Variants in CNGB1 observed in about 807,000 individuals in gnomAD.
CNGB1 encodes cyclic nucleotide gated channel subunit beta 1.
Under a neutral mutation model 151.7 loss-of-function variants are expected in CNGB1, and 126 were observed. The ratio of observed to expected loss-of-function variants is 0.83; its 90% CI spans 0.72 to 0.96. CNGB1 has a LOEUF of 0.96. Among genes scored for constraint, CNGB1 ranks in the 40% least tolerant of loss-of-function variants. The pLI is 0.00. For missense variants in CNGB1, 1,698 were observed against 1,627.0 expected (o/e 1.04, Z -0.75); for synonymous variants, 623 against 635.1 (o/e 0.98, Z 0.29).
intron 10 of CNGB1, among the ~76,000 whole-genome samples, chr16:57,959,622 AAAC>A: frequency 6.6e-6 from 1 of 152,092 alleles, no homozygotes; most frequent in Non-Finnish European, 1.5e-5. Context: ...ACAAACAAAC[AAAC>A]AAAAAAGCAA....
rs776629298 is a variant in CNGB1, at chr16:57,897,866, C to T, written c.3025G>A (p.Val1009Ile). ...GATTTCCCATCAGGGCCGCCCAAGA[C>T]CTGCACTTGCCCTGCCTGGATGATG... ...MYIIQAGQVQVLGGPDGKSVL... is the reference protein window; with the variant it reads ...MYIIQAGQVQILGGPDGKSVL... The change falls in exon 30 of 33, where the codon GTC (valine) becomes ATC (isoleucine). Residue 1009 changes from valine (V) to isoleucine (I), a missense_variant. Val to Ile is a conservative substitution (Grantham distance 29, BLOSUM62 3). Coordinates refer to ENST00000251102, the MANE Select transcript of CNGB1 (RefSeq NM_001297.5). 6.2e-7 allele frequency: 1 copy of T among 1,614,230 alleles called. No individual in the cohort carries two copies. The highest frequency in any genetic ancestry group is 1.3e-5 in the African/African-American group (1 of 75,050).
intron 16 of CNGB1, among the ~76,000 whole-genome samples, chr16:57,938,671 G>C (rs1412671390): frequency 6.6e-6 from 1 of 152,198 alleles, no homozygotes; most frequent in Non-Finnish European, 1.5e-5. Flanking sequence ...CGCACACACA[G>C]AGCCTCAGTT....
chr16:57,903,125 G>A (rs1445973579), intron 27 of CNGB1, among the ~76,000 whole-genome samples: 1 of 151,302 alleles, frequency 6.6e-6, no homozygotes, highest in Non-Finnish European at 1.5e-5. Context: ...AGAGAGGAGA[G>A]AGAGAGGGAA....
At chr16:57,939,294 A>G (rs1961596619) in intron 16 of CNGB1, 136 bp downstream of exon 16, 6 of 1,213,770 alleles carry the variant, frequency 4.9e-6, no homozygotes, top group Non-Finnish European at 7.2e-6. Context: ...TCCTGAAGAC[A>G]GGGTGGCTGA....
At chr16:57,960,801 C>A (rs765248752) in intron 8 of CNGB1, 39 bp downstream of exon 8, 1 of 1,600,236 alleles carries the variant, frequency 6.2e-7, no homozygotes, top group Non-Finnish European at 8.5e-7. Flanking sequence ...GAAGCCCCCC[C>A]ATATACTCAA....
chr16:57,897,481 T>C lies in CNGB1; in HGVS notation c.3158A>G (p.Asn1053Ser), dbSNP rs1299863739. 5.6e-6 allele frequency: 9 copies of C among 1,614,010 alleles called. No individual in the cohort carries two copies. Among genetic ancestry groups the C allele is most frequent in the South Asian group, 2.2e-5 (2 of 91,084 alleles). ...GTCCTTCTTATCCAGGATGAAGAGGTTGGTAAACCCGTGCGCCACCACGTT... is the reference window on the plus strand; with the variant it reads ...GTCCTTCTTATCCAGGATGAAGAGGCTGGTAAACCCGTGCGCCACCACGTT... ...TANVVAHGFTNLFILDKKDLN... is the reference protein window; with the variant it reads ...TANVVAHGFTSLFILDKKDLN... Residue 1053 changes from asparagine to serine, a missense_variant, in exon 31 of 33, where the codon AAC (asparagine) becomes AGC (serine). Asn to Ser is a conservative substitution (Grantham distance 46). Coordinates refer to ENST00000251102, the MANE Select transcript of CNGB1 (RefSeq NM_001297.5).
intron 14 of CNGB1, among the ~76,000 whole-genome samples, chr16:57,941,583 A>G (rs956261041): frequency 2.0e-5 from 3 of 152,250 alleles, no homozygotes; most frequent in African/African-American, 7.2e-5. Context: ...AACGCGGTAC[A>G]CCACAGCAAC....
At chr16:57,958,876 G>A (rs1962161103) in intron 10 of CNGB1, among the ~76,000 whole-genome samples, 1 of 150,004 alleles carries the variant, frequency 6.7e-6, no homozygotes, top group Admixed American at 6.7e-5. Context: ...TCCTGTCTCA[G>A]CCCCCTGAGT....
intron 4 of CNGB1, 107 bp downstream of exon 4, chr16:57,964,023 A>C: frequency 1.0e-6 from 1 of 987,108 alleles, no homozygotes; most frequent in Non-Finnish European, 1.5e-6. Context: ...GAATGACAGC[A>C]GAGCTAAGGG....
At chr16:57,926,676 G>A (rs1203238611) in intron 17 of CNGB1, among the ~76,000 whole-genome samples, 1 of 152,146 alleles carries the variant, frequency 6.6e-6, no homozygotes, top group Non-Finnish European at 1.5e-5. Flanking sequence ...GCACTCTCCT[G>A]AGCCTAGAAA....
Position 57,901,404 on chromosome 16 carries a change from A to G in CNGB1, c.2924T>C (p.Leu975Pro). ...GTAGACAACAGAGCGAAGCCTCTTC[A>G]GCATGTCAAAGATCATCTGCCGGTC... ...GCDRQMIFDM[L>P]KRLRSVVYLP... is the part of the protein sequence containing the mutation. The change falls in exon 29 of 33, where the codon CTG becomes CCG. Residue 975 changes from leucine to proline, a missense_variant. Leu to Pro is a moderately conservative substitution (Grantham distance 98, BLOSUM62 -3). Transcript: ENST00000251102. 4 of 1,614,216 alleles carry G rather than the reference A, an allele frequency of 2.5e-6. No homozygotes were observed. Among genetic ancestry groups the G allele is most frequent in the Non-Finnish European group, 3.4e-6 (4 of 1,180,036 alleles).
At chr16:57,929,364 G>A (rs957753462) in intron 17 of CNGB1, among the ~76,000 whole-genome samples, 2 of 151,954 alleles carry the variant, frequency 1.3e-5, no homozygotes, top group Admixed American at 1.3e-4. Context: ...CCGCGTGGCT[G>A]GGGAAGCCTC....
intron 31 of CNGB1, among the ~76,000 whole-genome samples, chr16:57,889,643 T>C (rs1960032168): frequency 1.3e-5 from 2 of 152,176 alleles, no homozygotes; most frequent in South Asian, 4.1e-4. Context: ...TAATACATAC[T>C]CTCTCATTTA....
intron 12 of CNGB1, among the ~76,000 whole-genome samples, chr16:57,952,596 A>T (rs773423256): frequency 2.4e-5 from 3 of 126,272 alleles, no homozygotes; most frequent in Non-Finnish European, 3.1e-5. Context: ...TCCGCCTCCC[A>T]TTCAAGCAAT....
At chr16:57,940,038 C>T (rs1026476952) in intron 15 of CNGB1, among the ~76,000 whole-genome samples, 196 bp downstream of exon 15, 4 of 152,216 alleles carry the variant, frequency 2.6e-5, no homozygotes, top group Non-Finnish European at 5.9e-5. Flanking sequence ...GTCCACCCGT[C>T]TCCCCACCCA....
chr16:57,894,286 T>A (rs1296881674), intron 31 of CNGB1, among the ~76,000 whole-genome samples: 1 of 152,110 alleles, frequency 6.6e-6, no homozygotes, highest in Non-Finnish European at 1.5e-5. Context: ...CCATATTTTG[T>A]GTAAGAAAGA....
intron 32 of CNGB1, among the ~76,000 whole-genome samples, chr16:57,886,959 C>T (rs572729963): frequency 5.6e-4 from 85 of 152,244 alleles, no homozygotes; most frequent in South Asian, 1.0e-3. Context: ...ACTGCAGTCT[C>T]GACTTCCTGG....
chr16:57,932,827 GC>G (rs746621705), intron 16 of CNGB1, among the ~76,000 whole-genome samples: 18 of 152,142 alleles, frequency 1.2e-4, no homozygotes, highest in Non-Finnish European at 2.1e-4. Context: ...TGATCCACCT[GC>G]CTCGGCCTCC....
At position 57,967,119 on chromosome 16, in the gene CNGB1, A is replaced by T. The variant is rs949153518; in HGVS notation, c.159+9T>A. On this transcript the variant is annotated intron_variant, in intron 2 of 32. Transcript: ENST00000251102. ...GCCGGCCTGCCCCTCCTCCCGCTCT[A>T]CCTCTCACCATGGACTCGGACTCTG... 1.2e-6 allele frequency: 2 copies of T among 1,613,708 alleles called. No individual in the cohort carries two copies. Among genetic ancestry groups the T allele is most frequent in the Non-Finnish European group, 1.7e-6 (2 of 1,179,936 alleles).
Sources: allele counts gnomAD v4.1 joint callset (sites outside exome capture counted in the v4.1 genomes callset), GRCh38; gene constraint gnomAD v4.1.1; transcripts MANE v1.5; gene names NCBI Gene and HGNC (gene_info 2026-07-23, HGNC 2026-07-21).